The following MIB2 variants were observed in gnomAD, a reference collection of about 807,000 sequenced individuals.
MIB2 encodes the protein E3 ubiquitin-protein ligase MIB2.
A neutral mutation model predicts 96.6 loss-of-function variants in MIB2; 78 were observed. The observed-to-expected ratio is 0.81, with a 90% confidence interval of 0.67 to 0.97. The LOEUF (loss-of-function observed/expected upper bound fraction) is 0.97. Ranked by LOEUF, MIB2 falls within the 50% of genes least tolerant of loss-of-function variation. The pLI is 0.00. For missense variants in MIB2, 1,543 were observed against 1,424.0 expected (o/e 1.08, Z -1.35); for synonymous variants, 820 against 629.5 (o/e 1.30, Z -4.53).
intron 2 of MIB2, among the ~76,000 whole-genome samples, chr1:1,622,206 G>A (rs1235010289): frequency 6.6e-6 from 1 of 152,238 alleles, no homozygotes; most frequent in Non-Finnish European, 1.5e-5. Flanking sequence ...TTCCTGGGCT[G>A]CCTCCTTCCC....
rs775103563 is a variant in MIB2, at chr1:1,625,249, G to A, written c.722-37G>A. ...CTTGGCTGAAGTCCCAGAGGGGAGG[G>A]GCCGCTGCCTGAGGCCTGGTCTGCC... On this transcript the variant is annotated intron_variant, in intron 6 of 19. Transcript: ENST00000355826. The surrounding 1 kb of genome is among the most constrained non-coding windows in gnomAD (Gnocchi z 5.0). The A allele has an allele frequency of 1.9e-6, 3 of 1,599,344 alleles. No individual in the cohort carries two copies. The highest frequency in any genetic ancestry group is 1.7e-6 in the Non-Finnish European group (2 of 1,174,442).
intron 18 of MIB2, 34 bp downstream of exon 18, chr1:1,629,600 C>CT (rs1557626560): frequency 5.1e-6 from 8 of 1,566,324 alleles, no homozygotes; most frequent in Non-Finnish European, 6.9e-6. Flanking sequence ...GGAGGCCCGG[C>CT]TAGTAGGGCC....
rs1569869175 is a variant in MIB2, at chr1:1,628,477, A to G, written c.1969-12A>G. The G allele has an allele frequency of 2.5e-6, 4 of 1,594,640 alleles. No individual in the cohort carries two copies. The South Asian group carries it at 3.3e-5, about 13-fold the overall frequency. On this transcript the variant is annotated splice_polypyrimidine_tract_variant and intron_variant, in intron 15 of 19. Coordinates refer to ENST00000355826, the MANE Select transcript of MIB2 (RefSeq NM_001170687.4). ...GGGTCCCTGGGCTGAGCCCGTCCCCACCCCTCCCCAGGGCCGCTGTGACGT... is the reference window on the plus strand; with the variant it reads ...GGGTCCCTGGGCTGAGCCCGTCCCCGCCCCTCCCCAGGGCCGCTGTGACGT...
In MIB2 at chr1:1,629,586, G is replaced by A; in HGVS notation, c.2563+20G>A. ...GTGAGGGTGAGTGGGGGGCCCCGGGGTGGGGAGGCCCGGCTAGTAGGGCCG... is the reference window on the plus strand; with the variant it reads ...GTGAGGGTGAGTGGGGGGCCCCGGGATGGGGAGGCCCGGCTAGTAGGGCCG... On this transcript the variant is annotated intron_variant, in intron 18 of 19. Transcript: ENST00000355826. The A allele has an allele frequency of 6.4e-7, 1 of 1,563,260 alleles. No individual in the cohort carries two copies. The highest frequency in any genetic ancestry group is 8.7e-7 in the Non-Finnish European group (1 of 1,155,716).
At position 1,627,180 on chromosome 1, in the gene MIB2, G is replaced by C. The variant is rs771062308; in HGVS notation, c.1347G>C (p.Leu449=). 5.6e-6 allele frequency: 9 copies of C among 1,594,686 alleles called. No individual in the cohort carries two copies. The African/African-American group carries it at 1.2e-4, about 21-fold the overall frequency. ...CGCTGGGTAACGCAGCCCGGGCTCT[G>C]GACCTGCTGCGGAGGCGCCCAGAGC... ...EVALGNAARA[L]DLLRRRPEQV... Residue 449 remains leucine (L), a synonymous_variant, in exon 11 of 20, where the codon CTG becomes CTC. Coordinates refer to ENST00000355826, the MANE Select transcript of MIB2 (RefSeq NM_001170687.4).
chr1:1,617,581 C>T (rs1052067202), intron 2 of MIB2: 1 of 152,180 alleles, frequency 6.6e-6, no homozygotes, highest in East Asian at 1.9e-4. Flanking sequence ...GCTGGCTGCC[C>T]GTCTGGTTTG....
chr1:1,625,445 T>C lies in MIB2; in HGVS notation c.864+17T>C, dbSNP rs1278678443. 1.9e-6 allele frequency: 3 copies of C among 1,563,422 alleles called. No individual in the cohort carries two copies. Among genetic ancestry groups the C allele is most frequent in the Admixed American group, 1.9e-5 (1 of 52,496 alleles). Reference sequence around the variant, plus strand: ...ATGGCGGAGGTGAGCCGCCCCGCCGTGGAGCCCTGTGTGCCCTGCCCTCCC... The same window carrying C: ...ATGGCGGAGGTGAGCCGCCCCGCCGCGGAGCCCTGTGTGCCCTGCCCTCCC... On this transcript the variant is annotated intron_variant, in intron 7 of 19. Transcript: ENST00000355826. This position sits in a 1 kb window ranked among gnomAD's most constrained non-coding sequence, Gnocchi z 5.0.
intron 4 of MIB2, 169 bp from the exon 5 acceptor site, chr1:1,624,626 G>A (rs1338279958): frequency 1.4e-6 from 1 of 696,422 alleles, no homozygotes; most frequent in African/African-American, 1.7e-5. Flanking sequence ...AGCGTGTGGA[G>A]GATGCTGACC....
chr1:1,629,351 C>T (rs775689509), intron 17 of MIB2, 34 bp from the exon 18 acceptor site: 12 of 1,441,666 alleles, frequency 8.3e-6, no homozygotes, highest in Middle Eastern at 4.6e-4. Flanking sequence ...CGGCGGCCTC[C>T]GGGCCCCTCT....
intron 2 of MIB2, among the ~76,000 whole-genome samples, chr1:1,619,361 C>T (rs1362329529): frequency 6.6e-6 from 1 of 152,150 alleles, no homozygotes; most frequent in East Asian, 1.9e-4. Context: ...GGCGACAGAG[C>T]GAGATTACGT....
Position 1,628,412 on chromosome 1 carries a change from C to T in MIB2, c.1968+13C>T, listed in dbSNP as rs1268613708. On this transcript the variant is annotated intron_variant, in intron 15 of 19. Coordinates refer to ENST00000355826, the MANE Select transcript of MIB2 (RefSeq NM_001170687.4). ...CCTCATCCGGGAGGTGCGGACGCGG[C>T]CCAGTCCTGCCCAAGGACCGGGGAG... is the stretch of plus-strand genomic sequence containing the variant. 6.2e-7 allele frequency: 1 copy of T among 1,607,812 alleles called. No individual in the cohort carries two copies. Among genetic ancestry groups the T allele is most frequent in the Admixed American group, 1.7e-5 (1 of 59,796 alleles).
chr1:1,616,137 G>C, intron 1 of MIB2: 1 of 978,794 alleles, frequency 1.0e-6, no homozygotes, highest in Non-Finnish European at 1.2e-6. Flanking sequence ...GCAGCGGACA[G>C]GGCCGGGCGG....
rs1557635059 is a variant in MIB2, at chr1:1,630,547, CGCCCGAGCTGCCTTCGCGT to C, written c.*22_*40del. On this transcript the variant is annotated 3_prime_UTR_variant, in exon 20 of 20. Transcript: ENST00000355826. The stretch of plus-strand genomic sequence containing the variant: ...TTCGTGTGAGCCGCGCCGTCCGCCG[CGCCCGAGCTGCCTTCGCGT>C]GCCCCCGCCCTGTGTTTTATAAAAA... The C allele has an allele frequency of 6.5e-6, 10 of 1,536,774 alleles. No individual in the cohort carries two copies. The highest frequency in any genetic ancestry group is 8.7e-6 in the Non-Finnish European group (10 of 1,147,568).
chr1:1,615,204 T>C (rs183739121), upstream of MIB2: 112 of 607,742 alleles, frequency 1.8e-4, no homozygotes, highest in East Asian at 2.3e-3. Context: ...AAACCCCGGA[T>C]AGGGCCCGCA....
At position 1,630,407 on chromosome 1, in the gene MIB2, C is replaced by T. The variant is rs1638686241; in HGVS notation, c.2745C>T (p.Ile915=). 2 of 1,576,600 alleles carry T rather than the reference C, an allele frequency of 1.3e-6. No homozygotes were observed. The highest frequency in any genetic ancestry group is 1.7e-6 in the Non-Finnish European group (2 of 1,163,052). Residue 915 remains isoleucine (I), a synonymous_variant, in exon 20 of 20, where the codon ATC becomes ATT. Coordinates refer to ENST00000355826, the MANE Select transcript of MIB2 (RefSeq NM_001170687.4). ...AACGCATCACCTGCCCCATCTGCATCGACAGCCACATCCGCCTCGTGTTCC... is the reference window on the plus strand; with the variant it reads ...AACGCATCACCTGCCCCATCTGCATTGACAGCCACATCCGCCTCGTGTTCC... The part of the protein sequence containing the change: ...MEERITCPIC[I]DSHIRLVFQC...
Position 1,627,449 on chromosome 1 carries a change from G to T in MIB2, c.1523+5G>T. 1 of 1,602,436 alleles carries T rather than the reference G, an allele frequency of 6.2e-7. No individual in the cohort carries two copies. Among genetic ancestry groups the T allele is most frequent in the Non-Finnish European group, 8.5e-7 (1 of 1,175,646 alleles). On this transcript the variant is annotated splice_donor_5th_base_variant and intron_variant, in intron 12 of 19. Transcript: ENST00000355826. Reference sequence around the variant, plus strand: ...ACTGCACTACGCGGCCCTGGGGTGAGGCCTGGGAGGGGCCCGGCCGGCGGG... The same window carrying T: ...ACTGCACTACGCGGCCCTGGGGTGATGCCTGGGAGGGGCCCGGCCGGCGGG...
At position 1,616,686 on chromosome 1, in the gene MIB2, C is replaced by T. The variant is rs550212071; in HGVS notation, c.-23+72C>T. Reference sequence around the variant, plus strand: ...CCACTTTGGGGCTCCGTGGAAGCCACGTCAGAGAGGCTGTGTTTGTGTCTG... The same window carrying T: ...CCACTTTGGGGCTCCGTGGAAGCCATGTCAGAGAGGCTGTGTTTGTGTCTG... On this transcript the variant is annotated intron_variant, in intron 2 of 19. Coordinates refer to ENST00000355826, the MANE Select transcript of MIB2 (RefSeq NM_001170687.4). 48 of 1,205,712 alleles carry T rather than the reference C, an allele frequency of 4.0e-5. No individual in the cohort carries two copies. In the African/African-American group the frequency reaches 6.8e-4, roughly 17 times the overall value. 74.7% of individuals were successfully genotyped at this position (1,205,712 alleles called of 1,614,324 possible).
chr1:1,629,092 C>T, intron 16 of MIB2, 41 bp from the exon 17 acceptor site: 2 of 1,404,104 alleles, frequency 1.4e-6, no homozygotes, highest in Admixed American at 3.4e-5. Context: ...CTCGGGCCTG[C>T]CCCGGCGCCC....
Position 1,628,337 on chromosome 1 carries a change from A to ACGG in MIB2, c.1909_1911dup (p.Ala637dup). ...GGACGCCAAGAAGGAGGACGGCTTC[A>ACGG]CGGCGCTGCATCTGGCTGCCCTCAA... On this transcript the variant is annotated inframe_insertion, in exon 15 of 20. Transcript: ENST00000355826. The ACGG allele has an allele frequency of 6.2e-7, 1 of 1,612,864 alleles. No homozygotes were observed. The highest frequency in any genetic ancestry group is 8.5e-7 in the Non-Finnish European group (1 of 1,179,934).
Sources: gnomAD v4.1 joint callset for allele counts (sites outside exome capture counted in the v4.1 genomes callset) on GRCh38, gnomAD v4.1.1 for gene constraint, Gnocchi (gnomAD v3.1) non-coding constraint, MANE v1.5 for transcripts, NCBI Gene and HGNC (gene_info 2026-07-23, HGNC 2026-07-21) for gene names.